Variants in SMG6 observed in about 807,000 individuals in gnomAD.
SMG6 encodes telomerase-binding protein EST1A.
SMG6 carries 66 observed loss-of-function variants against 142.2 expected under a neutral mutation model. That is an observed-to-expected ratio of 0.46 (90% CI 0.38 to 0.57). SMG6 has a LOEUF of 0.57. Ranked by LOEUF, SMG6 falls within the 20% of genes least tolerant of loss-of-function variation. The probability of loss-of-function intolerance (pLI) is 0.00; values close to 1 mark genes in which losing one functional copy is unlikely to be tolerated. For synonymous variants in SMG6, 779 were observed against 702.4 expected (o/e 1.11, Z -1.72); for missense variants, 1,793 against 1,832.0 (o/e 0.98, Z 0.39).
chr17:2,144,358 C>A (rs753744595), intron 13 of SMG6, among the ~76,000 whole-genome samples: 3 of 151,936 alleles, frequency 2.0e-5, no homozygotes, highest in African/African-American at 7.2e-5. Context: ...TGAGCCATGG[C>A]GCCTGGCCAT....
chr17:2,084,569 C>A (rs2068506332), intron 14 of SMG6, among the ~76,000 whole-genome samples: 1 of 152,194 alleles, frequency 6.6e-6, no homozygotes, highest in African/African-American at 2.4e-5. Flanking sequence ...TGTTTCAGAT[C>A]ACAAACGACA....
chr17:2,294,806 GT>G (rs1359322907), intron 4 of SMG6, among the ~76,000 whole-genome samples: 1 of 151,526 alleles, frequency 6.6e-6, no homozygotes, highest in African/African-American at 2.4e-5. Context: ...CAGGAGCACG[GT>G]TTTTTTTCAA....
At chr17:2,140,822 G>C (rs547167340) in intron 13 of SMG6, among the ~76,000 whole-genome samples, 1 of 152,176 alleles carries the variant, frequency 6.6e-6, no homozygotes, top group South Asian at 2.1e-4. Context: ...CCTTGTCTGA[G>C]CACTGCTTTT....
At chr17:2,088,609 G>C (rs1452915435) in intron 13 of SMG6, 1 of 985,352 alleles carries the variant, frequency 1.0e-6, no homozygotes, top group Non-Finnish European at 1.2e-6. Flanking sequence ...TGTTTGGAGA[G>C]AGAAAGGTTG....
At chr17:2,210,714 A>AGCATTTCTGGAAAT (rs1004667232) in intron 10 of SMG6, among the ~76,000 whole-genome samples, 7 of 151,488 alleles carry the variant, frequency 4.6e-5, no homozygotes, top group African/African-American at 1.5e-4. Context: ...AAACAGATAC[A>AGCATTTCTGGAAAT]GCATTTCTGG....
Position 2,224,223 on chromosome 17 carries a change from C to T in SMG6, c.2869+12269G>A, listed in dbSNP as rs192949915. On this transcript the variant is annotated intron_variant, in intron 10 of 18. Transcript: ENST00000263073. Reference sequence around the variant, plus strand: ...TGCTACCTGATGAACTCGAGCTTTGCTTTCCAAGGCTGCATGGACACAGCC... The same window carrying T: ...TGCTACCTGATGAACTCGAGCTTTGTTTTCCAAGGCTGCATGGACACAGCC... 2.0e-3 allele frequency among the ~76,000 whole-genome samples: 306 copies of T among 152,284 alleles called. 2 individuals carry two copies. The highest frequency in any genetic ancestry group is 6.6e-3 in the African/African-American group (273 of 41,544).
intron 8 of SMG6, among the ~76,000 whole-genome samples, chr17:2,258,058 C>CATATATAT (rs1215537951): frequency 3.2e-5 from 3 of 95,100 alleles, no homozygotes; most frequent in Non-Finnish European, 7.1e-5. Flanking sequence ...CACACACACA[C>CATATATAT]ACACACACAT....
At chr17:2,130,309 T>C (rs927857303) in intron 13 of SMG6, among the ~76,000 whole-genome samples, 4 of 147,992 alleles carry the variant, frequency 2.7e-5, no homozygotes, top group Non-Finnish European at 4.5e-5. Context: ...ATTCATACCA[T>C]TAATAGTTAA....
chr17:2,250,390 C>T (rs2074019925), intron 8 of SMG6, among the ~76,000 whole-genome samples: 1 of 143,416 alleles, frequency 7.0e-6, no homozygotes, highest in Admixed American at 7.4e-5. Flanking sequence ...TTTTTATATA[C>T]ACTTTTTTTT....
intron 6 of SMG6, among the ~76,000 whole-genome samples, chr17:2,286,719 A>G (rs951962650): frequency 6.6e-6 from 1 of 152,176 alleles, no homozygotes; most frequent in Non-Finnish European, 1.5e-5. Flanking sequence ...TATGACATCG[A>G]AAGTGAAAGG....
chr17:2,273,748 G>A (rs752662783), intron 8 of SMG6, among the ~76,000 whole-genome samples: 2 of 151,974 alleles, frequency 1.3e-5, no homozygotes, highest in African/African-American at 4.8e-5. Flanking sequence ...AGTGAGCAGA[G>A]ATCGCGCCAC....
intron 12 of SMG6, among the ~76,000 whole-genome samples, chr17:2,181,794 C>T (rs1193315411): frequency 3.3e-5 from 5 of 152,350 alleles, no homozygotes; most frequent in African/African-American, 9.6e-5. Context: ...GAGCCGGCAA[C>T]GGGCCATTTG....
At chr17:2,293,455 C>T (rs186811559) in intron 4 of SMG6, among the ~76,000 whole-genome samples, 2 of 120,352 alleles carry the variant, frequency 1.7e-5, no homozygotes, top group African/African-American at 5.4e-5. Context: ...CAATTGTTTA[C>T]TCTATTCTTT....
chr17:2,302,952 A>C (rs1485876231), intron 1 of SMG6: 1 of 984,898 alleles, frequency 1.0e-6, no homozygotes, highest in Non-Finnish European at 1.2e-6. Flanking sequence ...TATCACAGCT[A>C]CCATTCTACA....
At chr17:2,228,223 C>A (rs2073372029) in intron 10 of SMG6, among the ~76,000 whole-genome samples, 1 of 151,804 alleles carries the variant, frequency 6.6e-6, no homozygotes, top group Admixed American at 6.6e-5. Context: ...GCCACTGCGC[C>A]CAGCTAACTT....
intron 8 of SMG6, among the ~76,000 whole-genome samples, chr17:2,261,710 C>A (rs1490502416): frequency 6.6e-6 from 1 of 152,008 alleles, no homozygotes; most frequent in African/African-American, 2.4e-5. Flanking sequence ...GATGTAAAGA[C>A]AAGGAAAGAG....
chr17:2,234,971 T>C (rs2073608238), intron 10 of SMG6, among the ~76,000 whole-genome samples: 1 of 152,194 alleles, frequency 6.6e-6, no homozygotes, highest in Admixed American at 6.5e-5. Flanking sequence ...TGCAGCTCTG[T>C]GACAGGTAGC....
In SMG6 at chr17:2,283,618, C is replaced by T; in HGVS notation, c.2448+7G>A. On this transcript the variant is annotated splice_region_variant and intron_variant, in intron 7 of 18. Transcript: ENST00000263073. ...GGAAGGAAGGGTTCTGCCACATCCC[C>T]ACTCACCTTCCGCTTGGTCTCTTCA... 6.2e-7 allele frequency: 1 copy of T among 1,609,010 alleles called. No individual in the cohort carries two copies. Among genetic ancestry groups the T allele is most frequent in the Non-Finnish European group, 8.5e-7 (1 of 1,175,418 alleles).
At chr17:2,082,902 T>C (rs934235027) in intron 14 of SMG6, among the ~76,000 whole-genome samples, 5 of 152,236 alleles carry the variant, frequency 3.3e-5, no homozygotes, top group African/African-American at 1.2e-4. Context: ...TGCTTATTAC[T>C]GGCCAGGTAC....
Sources: gnomAD v4.1 joint callset for allele counts (sites outside exome capture counted in the v4.1 genomes callset) on GRCh38, gnomAD v4.1.1 for gene constraint, MANE v1.5 for transcripts, NCBI Gene and HGNC (gene_info 2026-07-23, HGNC 2026-07-21) for gene names.